Variants in EDARADD observed in about 807,000 individuals in gnomAD.
EDARADD encodes the protein EDAR associated via death domain, also known as ectodysplasin-A receptor-associated adapter protein.
Under a neutral mutation model 25.6 loss-of-function variants are expected in EDARADD, and 20 were observed. That is an observed-to-expected ratio of 0.78 (90% CI 0.55 to 1.14). EDARADD has a LOEUF of 1.14. Ranked by LOEUF, EDARADD falls within the 50% of genes most tolerant of loss-of-function variation. EDARADD has a pLI of 0.00. For missense variants in EDARADD, 225 were observed against 270.1 expected, an observed-to-expected ratio of 0.83 and a Z score of 1.17; for synonymous variants, 86 against 94.4, an observed-to-expected ratio of 0.91 and a Z score of 0.52.
intron 1 of EDARADD, among the ~76,000 whole-genome samples, chr1:236,404,565 A>G (rs1351602461): frequency 1.3e-5 from 2 of 152,176 alleles, no homozygotes; most frequent in Non-Finnish European, 2.9e-5. Flanking sequence ...TCAGAACCGC[A>G]ATCAGAAAAA....
At position 236,363,006 on chromosome 1, in the gene EDARADD, A is replaced by AATATATATATATATAT. The variant is rs1184705463; in HGVS notation, c.-6+12179_-6+12194dup. On this transcript the variant is annotated intron_variant, in intron 3 of 7. Transcript: ENST00000439430. ...TTTTAAGAAAAAAAAAAAAAAAAAA[A>AATATATATATATATAT]ATATATATATATATATATATATATA... 5.4e-4 allele frequency among the ~76,000 whole-genome samples: 23 copies of AATATATATATATATAT among 42,944 alleles called. 1 individual carries two copies. Among genetic ancestry groups the AATATATATATATATAT allele is most frequent in the African/African-American group, 1.9e-3 (17 of 9,034 alleles). 28.2% of individuals were successfully genotyped at this position (42,944 alleles called of 152,430 possible).
chr1:236,484,309 C>T lies in EDARADD; in HGVS notation c.*1660C>T. The T allele has an allele frequency of 8.8e-7, 1 of 1,134,230 alleles. No individual in the cohort carries two copies. The highest frequency in any genetic ancestry group is 1.3e-6 in the Non-Finnish European group (1 of 743,242). The allele number at this position is 1,134,230 out of a possible 1,614,324, so 70.3% of individuals were successfully genotyped here. A position where few individuals can be genotyped will look rare whatever the true frequency, so the allele number is the denominator to read the frequency against. On this transcript the variant is annotated 3_prime_UTR_variant, in exon 6 of 6. Transcript: ENST00000334232. This position sits in a 1 kb window ranked among gnomAD's most constrained non-coding sequence, Gnocchi z 4.1. The stretch of plus-strand genomic sequence containing the variant: ...GGGGAGACTGAAAATACCTTCATCA[C>T]TGACCTGGTGGTGGGGCTGTGACCT...
At chr1:236,372,581 T>C (rs911232059) in intron 3 of EDARADD, among the ~76,000 whole-genome samples, 2 of 152,202 alleles carry the variant, frequency 1.3e-5, no homozygotes, top group Admixed American at 6.5e-5. Context: ...GCTGGCATCA[T>C]AGAATGAGTT....
chr1:236,393,609 C>A (rs576165242), upstream of EDARADD, among the ~76,000 whole-genome samples: 79 of 152,008 alleles, frequency 5.2e-4, no homozygotes, highest in Non-Finnish European at 7.9e-4. Context: ...ATTGGCCAGG[C>A]TGGCCTCGAA....
intron 3 of EDARADD, among the ~76,000 whole-genome samples, chr1:236,357,087 A>AT (rs35063772): frequency 1.1e-4 from 16 of 142,566 alleles, no homozygotes; most frequent in South Asian, 4.4e-4. Context: ...TCTGTCTCAA[A>AT]TAAAAAATAA....
chr1:236,460,924 C>T (rs11589682), intron 4 of EDARADD, among the ~76,000 whole-genome samples: 15 of 151,788 alleles, frequency 9.9e-5, no homozygotes, highest in African/African-American at 3.1e-4. Flanking sequence ...CTGGTTCAAG[C>T]GATTCTCCTG....
At chr1:236,448,317 C>G (rs193170359) in intron 4 of EDARADD, among the ~76,000 whole-genome samples, 4 of 152,224 alleles carry the variant, frequency 2.6e-5, no homozygotes, top group Non-Finnish European at 5.9e-5. Context: ...AATGCAGACA[C>G]GTTCACTGCT....
intron 3 of EDARADD, among the ~76,000 whole-genome samples, chr1:236,417,629 C>T (rs1297373525): frequency 1.3e-5 from 2 of 152,030 alleles, no homozygotes; most frequent in East Asian, 1.9e-4. Flanking sequence ...TGTGAGTCTG[C>T]GGGTACTAAG....
chr1:236,457,983 C>T (rs1218242825), intron 4 of EDARADD, among the ~76,000 whole-genome samples: 1 of 152,232 alleles, frequency 6.6e-6, no homozygotes, highest in Non-Finnish European at 1.5e-5. Context: ...CTTCTCTTCT[C>T]ATTACCATGC....
In EDARADD at chr1:236,478,412, G is replaced by GAT. The variant is rs541779513; in HGVS notation, c.266-3842_266-3841dup. ...ATGGATTTATATATATATATAAATG[G>GAT]ATATATATATATATCTGGATGGATA... is the stretch of plus-strand genomic sequence containing the variant. On this transcript the variant is annotated intron_variant, in intron 5 of 5. Coordinates refer to ENST00000334232, the MANE Select transcript of EDARADD (RefSeq NM_145861.4). 8.6e-3 allele frequency among the ~76,000 whole-genome samples: 1,207 copies of GAT among 139,698 alleles called. 19 individuals carry two copies. Among genetic ancestry groups the GAT allele is most frequent in the African/African-American group, 0.027 (1,037 of 38,074 alleles). 91.6% of individuals were successfully genotyped at this position (139,698 alleles called of 152,430 possible).
In EDARADD at chr1:236,352,663, C is replaced by T. The variant is rs574605069; in HGVS notation, c.-6+1824C>T. Among the ~76,000 whole-genome samples the T allele has an allele frequency of 2.4e-3, 368 of 152,292 alleles. 1 individual carries two copies. Among genetic ancestry groups the T allele is most frequent in the Non-Finnish European group, 4.1e-3 (281 of 68,020 alleles). ...AGGAGTTCAAGACCAGCCTGGCCAA[C>T]ATGGTGAAACCCTGTCTCTACTAAA... On this transcript the variant is annotated intron_variant, in intron 3 of 7. Coordinates refer to the EDARADD transcript ENST00000439430.
chr1:236,364,329 G>A lies in EDARADD; in HGVS notation c.-6+13490G>A, dbSNP rs569980311. ...TCATAGCCTTGTCTTGAAATCAGGT[G>A]GTGTCAGCCCTCCACCTTTGTCCTT... is the stretch of plus-strand genomic sequence containing the variant. On this transcript the variant is annotated intron_variant, in intron 3 of 7. Transcript: ENST00000439430. 1.5e-3 allele frequency among the ~76,000 whole-genome samples: 228 copies of A among 152,182 alleles called. 1 individual carries two copies. Among genetic ancestry groups the A allele is most frequent in the African/African-American group, 5.4e-3 (223 of 41,518 alleles).
chr1:236,451,566 G>A (rs371943674), intron 4 of EDARADD, among the ~76,000 whole-genome samples: 3 of 152,014 alleles, frequency 2.0e-5, no homozygotes, highest in African/African-American at 7.2e-5. Context: ...GGGACTACAG[G>A]TGCCCACCAC....
At chr1:236,353,869 A>G (rs770666331) in intron 3 of EDARADD, among the ~76,000 whole-genome samples, 1 of 152,066 alleles carries the variant, frequency 6.6e-6, no homozygotes, top group Non-Finnish European at 1.5e-5. Context: ...GCAAAATGAC[A>G]GCTCTTTCCT....
chr1:236,400,720 A>ATTTTTTTTTTTTTTT (rs55864840), intron 1 of EDARADD, among the ~76,000 whole-genome samples: 12 of 121,148 alleles, frequency 9.9e-5, no homozygotes, highest in Admixed American at 1.8e-4. Context: ...ACACCCGGCT[A>ATTTTTTTTTTTTTTT]TTTTTTTTTT....
intron 1 of EDARADD, among the ~76,000 whole-genome samples, chr1:236,403,850 C>T (rs1667660170): frequency 6.6e-6 from 1 of 151,574 alleles, no homozygotes. Context: ...CACCAGGTTT[C>T]TCTCATGCCT....
chr1:236,445,234 C>CTTTTTTTTTTTTTTTTTTT (rs61333307), intron 4 of EDARADD, among the ~76,000 whole-genome samples: 2,257 of 89,446 alleles, frequency 0.025, 757 homozygotes, highest in Non-Finnish European at 0.039. Context: ...ATAATAAATT[C>CTTTTTTTTTTTTTTTTTTT]TTTTTTTTTT....
intron 4 of EDARADD, among the ~76,000 whole-genome samples, chr1:236,430,476 AT>A (rs1399704503): frequency 6.6e-6 from 1 of 152,172 alleles, no homozygotes; most frequent in Non-Finnish European, 1.5e-5. Context: ...ACTGTTCAGC[AT>A]TTTTCCTAAT....
intron 3 of EDARADD, among the ~76,000 whole-genome samples, chr1:236,381,718 A>C (rs758935268): frequency 4.0e-5 from 6 of 150,194 alleles, no homozygotes; most frequent in Non-Finnish European, 7.4e-5. Flanking sequence ...CTCCTGCCTT[A>C]CATGGTTTCT....
Sources: gnomAD v4.1 joint callset for allele counts (sites outside exome capture counted in the v4.1 genomes callset) on GRCh38, gnomAD v4.1.1 for gene constraint, Gnocchi (gnomAD v3.1) non-coding constraint, MANE v1.5 for transcripts, NCBI Gene and HGNC (gene_info 2026-07-23, HGNC 2026-07-21) for gene names.